Variants in PDK1 observed in about 807,000 individuals in gnomAD.
PDK1 encodes the protein pyruvate dehydrogenase kinase 1.
In PDK1, 39 loss-of-function variants were observed where a neutral mutation model predicts 54.2. That is an observed-to-expected ratio of 0.72 (90% CI 0.56 to 0.94). The LOEUF (loss-of-function observed/expected upper bound fraction) is 0.94, where lower values mean the gene tolerates loss of function less well. PDK1 is among the 40% of genes least tolerant of loss of function. PDK1 has a pLI of 0.00. For synonymous variants in PDK1, 221 were observed against 207.1 expected, an observed-to-expected ratio of 1.07 and a Z score of -0.58; for missense variants, 552 against 566.0, an observed-to-expected ratio of 0.98 and a Z score of 0.25.
At chr2:172,562,915 C>A in intron 3 of PDK1, 1 of 884,282 alleles carries the variant, frequency 1.1e-6, no homozygotes, top group Non-Finnish European at 1.7e-6. Flanking sequence ...TAATGACCAT[C>A]TCTTGTCCTC....
At chr2:172,702,563 T>G in the PDK1 span, among the ~76,000 whole-genome samples, 1 of 150,586 alleles carries the variant, frequency 6.6e-6, no homozygotes, top group Non-Finnish European at 1.5e-5. Context: ...ACCCCATTAA[T>G]CTACCAAAAG....
the PDK1 span, among the ~76,000 whole-genome samples, chr2:172,639,451 C>A: frequency 6.6e-6 from 1 of 152,142 alleles, no homozygotes; most frequent in African/African-American, 2.4e-5. Context: ...GTCCCCGTTT[C>A]CTTATTACTA....
chr2:172,671,025 C>T, the PDK1 span, among the ~76,000 whole-genome samples: 2 of 151,264 alleles, frequency 1.3e-5, no homozygotes, highest in Admixed American at 6.6e-5. Context: ...GTAGATGTTC[C>T]TGCAAAATGA....
the PDK1 span, among the ~76,000 whole-genome samples, chr2:172,697,367 A>G: frequency 1.3e-5 from 2 of 152,316 alleles, no homozygotes. Flanking sequence ...GTATCCAGAT[A>G]TGTTCCTGCC....
the PDK1 span, among the ~76,000 whole-genome samples, chr2:172,663,291 G>A: frequency 6.6e-6 from 1 of 152,046 alleles, no homozygotes. Flanking sequence ...CATCCTAATG[G>A]CCTCCTCATT....
chr2:172,625,645 AT>A, the PDK1 span, among the ~76,000 whole-genome samples: 1 of 152,032 alleles, frequency 6.6e-6, no homozygotes, highest in African/African-American at 2.4e-5. Flanking sequence ...GTCTGATCTA[AT>A]CCTAATCTGG....
the PDK1 span, among the ~76,000 whole-genome samples, chr2:172,647,107 C>T: frequency 6.6e-6 from 1 of 152,024 alleles, no homozygotes; most frequent in Non-Finnish European, 1.5e-5. Context: ...ATTTAGAGGC[C>T]AATAAGGAGC....
At position 172,568,797 on chromosome 2, in the gene PDK1, A is replaced by G. The variant is rs375099757; in HGVS notation, c.826A>G (p.Met276Val). 6 of 1,601,914 alleles carry G rather than the reference A, an allele frequency of 3.7e-6. No homozygotes were observed. Among genetic ancestry groups the G allele is most frequent in the African/African-American group, 1.3e-5 (1 of 74,686 alleles). Residue 276 changes from methionine to valine, a missense_variant, in exon 7 of 11, where the codon ATG becomes GTG. By Grantham distance (21) the Met-to-Val change is conservative. Transcript: ENST00000282077. ...VVYVPSHLYH[M>V]VFELFKNAMR... Reference sequence around the variant, plus strand: ...TTATGTACCATCCCATCTCTATCACATGGTGTTTGAACTTTTCAAGGTTTG... The same window carrying G: ...TTATGTACCATCCCATCTCTATCACGTGGTGTTTGAACTTTTCAAGGTTTG...
chr2:172,642,840 T>A, the PDK1 span, among the ~76,000 whole-genome samples: 1 of 151,780 alleles, frequency 6.6e-6, no homozygotes, highest in African/African-American at 2.4e-5. Context: ...CTCTTCCTCT[T>A]CCTTCTCCTT....
chr2:172,622,346 TTG>T, the PDK1 span, among the ~76,000 whole-genome samples: 104 of 148,336 alleles, frequency 7.0e-4, 3 homozygotes, highest in Non-Finnish European at 7.4e-5. Flanking sequence ...ATCTCATATA[TTG>T]TGTGAGATAT....
the PDK1 span, among the ~76,000 whole-genome samples, chr2:172,652,403 T>C: frequency 1.9e-4 from 29 of 152,246 alleles, no homozygotes; most frequent in African/African-American, 6.5e-4. Context: ...CTTTGAAAAC[T>C]GGCACAAGAC....
the PDK1 span, among the ~76,000 whole-genome samples, chr2:172,639,071 G>A: frequency 1.4e-4 from 21 of 152,260 alleles, no homozygotes; most frequent in East Asian, 3.9e-4. Flanking sequence ...TCACTATGCC[G>A]TGCAGACTGG....
At chr2:172,723,411 A>C in the PDK1 span, 1 of 152,204 alleles carries the variant, frequency 6.6e-6, no homozygotes, top group Non-Finnish European at 1.5e-5. Context: ...GGGAAAGAGT[A>C]ATATATTTTG....
At chr2:172,678,165 G>A in the PDK1 span, among the ~76,000 whole-genome samples, 24 of 152,042 alleles carry the variant, frequency 1.6e-4, no homozygotes, top group East Asian at 3.9e-4. Context: ...GGGAGACTCC[G>A]TCTCAAAAAA....
At chr2:172,640,511 G>C in the PDK1 span, among the ~76,000 whole-genome samples, 1 of 152,154 alleles carries the variant, frequency 6.6e-6, no homozygotes, top group African/African-American at 2.4e-5. Context: ...TATATGGTTT[G>C]ATTGATAGAT....
intron 8 of PDK1, among the ~76,000 whole-genome samples, chr2:172,572,003 T>C (rs1689296798): frequency 6.6e-6 from 1 of 151,992 alleles, no homozygotes; most frequent in East Asian, 1.9e-4. Context: ...AGCTAATTTT[T>C]TGTATTTTAG....
the PDK1 span, among the ~76,000 whole-genome samples, chr2:172,669,922 A>ATTTGCATCAGAAAT: frequency 1.1e-4 from 16 of 152,182 alleles, no homozygotes; most frequent in South Asian, 6.2e-4. Flanking sequence ...CTGATGTATC[A>ATTTGCATCAGAAAT]TTTGCAAATA....
chr2:172,690,659 T>C, the PDK1 span, among the ~76,000 whole-genome samples: 1 of 150,184 alleles, frequency 6.7e-6, no homozygotes. Context: ...CACCATGGAA[T>C]ACTACGCAGC....
intron 8 of PDK1, among the ~76,000 whole-genome samples, chr2:172,581,036 A>C (rs972300682): frequency 7.9e-5 from 12 of 151,808 alleles, no homozygotes; most frequent in African/African-American, 2.9e-4. Context: ...ATATCGATGA[A>C]TATATTAAAA....
Sources: gnomAD v4.1 joint callset for allele counts (sites outside exome capture counted in the v4.1 genomes callset) on GRCh38, gnomAD v4.1.1 for gene constraint, MANE v1.5 for transcripts, NCBI Gene and HGNC (gene_info 2026-07-23, HGNC 2026-07-21) for gene names.